ZC2HC1A: variants seen among roughly 807,000 people sequenced by gnomAD.
ZC2HC1A encodes the protein zinc finger C2HC domain-containing protein 1A.
In ZC2HC1A, 28 loss-of-function variants were observed where a neutral mutation model predicts 40.7. The ratio of observed to expected loss-of-function variants is 0.69; its 90% CI spans 0.51 to 0.94. The LOEUF (loss-of-function observed/expected upper bound fraction) is 0.94, where lower values mean the gene tolerates loss of function less well. Ranked by LOEUF, ZC2HC1A falls within the 40% of genes least tolerant of loss-of-function variation. The probability of loss-of-function intolerance (pLI) is 0.00; values close to 1 mark genes in which losing one functional copy is unlikely to be tolerated. For synonymous variants in ZC2HC1A, 129 were observed against 129.2 expected (o/e 1.00, Z 0.01); for missense variants, 389 against 386.3 (o/e 1.01, Z -0.06).
At chr8:78,678,764 G>A (rs1809667686) in intron 3 of ZC2HC1A, 85 bp downstream of exon 3, 1 of 836,504 alleles carries the variant, frequency 1.2e-6, no homozygotes, top group Non-Finnish European at 1.8e-6. Context: ...GTAAGGTTAA[G>A]AATAAACACA....
chr8:78,698,785 A>G (rs959814885), intron 7 of ZC2HC1A, among the ~76,000 whole-genome samples: 1 of 152,176 alleles, frequency 6.6e-6, no homozygotes, highest in African/African-American at 2.4e-5. Context: ...ATAATTTGAA[A>G]TGTTGACGAT....
chr8:78,678,758 G>A, intron 3 of ZC2HC1A, 79 bp downstream of exon 3: 1 of 927,242 alleles, frequency 1.1e-6, no homozygotes, highest in South Asian at 2.3e-5. Context: ...GTTACAGTAA[G>A]GTTAAGAATA....
intron 3 of ZC2HC1A, among the ~76,000 whole-genome samples, chr8:78,681,567 G>A (rs1233151546): frequency 1.3e-5 from 2 of 152,110 alleles, no homozygotes; most frequent in Non-Finnish European, 2.9e-5. Flanking sequence ...ACACTGTTTG[G>A]AAAGTTGTTT....
chr8:78,695,460 C>T (rs888777854), intron 5 of ZC2HC1A, among the ~76,000 whole-genome samples: 53 of 152,136 alleles, frequency 3.5e-4, no homozygotes, highest in African/African-American at 1.1e-3. Context: ...GCCACATCAG[C>T]GCACTTTGTT....
intron 1 of ZC2HC1A, 180 bp from the exon 2 acceptor site, chr8:78,675,607 A>T: frequency 1.9e-6 from 1 of 533,184 alleles, no homozygotes; most frequent in Non-Finnish European, 3.3e-6. Flanking sequence ...GACCTTTTTC[A>T]CCACTGATAA....
chr8:78,707,852 TTTC>T (rs1367529632), intron 7 of ZC2HC1A, among the ~76,000 whole-genome samples: 1 of 83,774 alleles, frequency 1.2e-5, no homozygotes, highest in African/African-American at 3.8e-5. Context: ...TTCCTTTTTT[TTTC>T]TTTTTTTTTT....
chr8:78,711,733 G>T (rs1378700039), intron 7 of ZC2HC1A, among the ~76,000 whole-genome samples: 1 of 151,504 alleles, frequency 6.6e-6, no homozygotes, highest in African/African-American at 2.4e-5. Context: ...TGATTCCATT[G>T]CCCTGCTGTG....
intron 2 of ZC2HC1A, among the ~76,000 whole-genome samples, chr8:78,677,348 A>G (rs148888316): frequency 6.8e-6 from 1 of 147,432 alleles, no homozygotes; most frequent in Non-Finnish European, 1.5e-5. Context: ...TGAATGGACA[A>G]CTCTTTAAAA....
Position 78,697,701 on chromosome 8 carries a change from C to T in ZC2HC1A, c.604+195C>T, listed in dbSNP as rs150249335. Among the ~76,000 whole-genome samples, 848 of 140,368 alleles carry T rather than the reference C, an allele frequency of 6.0e-3. 8 individuals are homozygous for T. Among genetic ancestry groups the T allele is most frequent in the African/African-American group, 0.021 (791 of 37,516 alleles). 92.1% of individuals were successfully genotyped at this position (140,368 alleles called of 152,430 possible). A position where few individuals can be genotyped will look rare whatever the true frequency, so the allele number is the denominator to read the frequency against. ...TTTAACCTTTTTTTTTTTTTTTTGA[C>T]GGAGTCTTGCTCTGTTGCCCAGGTT... is the stretch of plus-strand genomic sequence containing the variant. On this transcript the variant is annotated intron_variant, in intron 6 of 8. Coordinates refer to ENST00000263849, the MANE Select transcript of ZC2HC1A (RefSeq NM_016010.3).
At position 78,666,164 on chromosome 8, in the gene ZC2HC1A, G is replaced by C. The variant is rs762292847; in HGVS notation, c.16G>C (p.Glu6Gln). 2.5e-6 allele frequency: 4 copies of C among 1,574,844 alleles called. No homozygotes were observed. Among genetic ancestry groups the C allele is most frequent in the Non-Finnish European group, 3.4e-6 (4 of 1,160,434 alleles). The change falls in exon 1 of 9, where the codon GAG becomes CAG. Residue 6 changes from glutamate to glutamine, a missense_variant and splice_region_variant. Transcript: ENST00000263849. ...AGGTGGCGCGATGGAGGGACTGGAA[G>C]GTGAGGCGATGAAGGGATGAGGGCA... MEGLE[E>Q]NGGVVQVGEL...
intron 3 of ZC2HC1A, among the ~76,000 whole-genome samples, chr8:78,680,470 A>G (rs1203853569): frequency 1.3e-5 from 2 of 152,162 alleles, no homozygotes; most frequent in Non-Finnish European, 2.9e-5. Context: ...AATTATTTTA[A>G]GAACATCCTT....
In ZC2HC1A at chr8:78,686,623, G is replaced by T. The variant is rs780293903; in HGVS notation, c.352+15G>T. Reference sequence around the variant, plus strand: ...TTATGATCCTGGTATTTGGAATATTGTTGACAGAAATGTTCATGTGGAAAG... The same window carrying T: ...TTATGATCCTGGTATTTGGAATATTTTTGACAGAAATGTTCATGTGGAAAG... On this transcript the variant is annotated intron_variant, in intron 4 of 8. Coordinates refer to ENST00000263849, the MANE Select transcript of ZC2HC1A (RefSeq NM_016010.3). 4.1e-6 allele frequency: 6 copies of T among 1,461,800 alleles called. No homozygotes were observed. The African/African-American group carries it at 4.4e-5, about 11-fold the overall frequency. 90.6% of individuals were successfully genotyped at this position (1,461,800 alleles called of 1,614,324 possible). A position where few individuals can be genotyped will look rare whatever the true frequency, so the allele number is the denominator to read the frequency against.
Position 78,715,210 on chromosome 8 carries a change from C to CT in ZC2HC1A, c.705-5dup, listed in dbSNP as rs1563641476. 8.7e-6 allele frequency: 14 copies of CT among 1,609,632 alleles called. No individual in the cohort carries two copies. The highest frequency in any genetic ancestry group is 1.2e-5 in the Non-Finnish European group (14 of 1,178,400). ...TCAATACTTTTCCATTATTTTTCCT[C>CT]TTTTTTATAGAGCTAATGTCAAACC... On this transcript the variant is annotated splice_polypyrimidine_tract_variant and intron_variant, in intron 7 of 8. Coordinates refer to ENST00000263849, the MANE Select transcript of ZC2HC1A (RefSeq NM_016010.3).
At chr8:78,711,582 G>A (rs1478392609) in intron 7 of ZC2HC1A, among the ~76,000 whole-genome samples, 1 of 152,006 alleles carries the variant, frequency 6.6e-6, no homozygotes, top group African/African-American at 2.4e-5. Flanking sequence ...TAAAAAGCAC[G>A]GAAATAAATA....
intron 3 of ZC2HC1A, among the ~76,000 whole-genome samples, chr8:78,685,449 A>G (rs906176224): frequency 6.6e-6 from 1 of 152,238 alleles, no homozygotes; most frequent in African/African-American, 2.4e-5. Flanking sequence ...AGATCAGTAA[A>G]TTAAACTGTA....
intron 5 of ZC2HC1A, among the ~76,000 whole-genome samples, chr8:78,695,664 A>G (rs530410306): frequency 1.3e-5 from 2 of 152,198 alleles, no homozygotes; most frequent in East Asian, 1.9e-4. Context: ...CTCTATATAT[A>G]TATAGTGGCC....
chr8:78,705,669 A>G (rs374020987), intron 7 of ZC2HC1A, among the ~76,000 whole-genome samples: 72 of 152,242 alleles, frequency 4.7e-4, no homozygotes, highest in African/African-American at 1.5e-3. Context: ...AACCCCAGAG[A>G]CTGAAACTGC....
intron 3 of ZC2HC1A, among the ~76,000 whole-genome samples, chr8:78,680,881 A>G (rs545704814): frequency 1.3e-5 from 2 of 152,292 alleles, no homozygotes; most frequent in Admixed American, 6.5e-5. Flanking sequence ...CAAGACAGAA[A>G]CTGGGAGGAG....
Position 78,715,202 on chromosome 8 carries a change from T to C in ZC2HC1A, c.705-19T>C, listed in dbSNP as rs1475094523. ...CTCACTGTTCAATACTTTTCCATTA[T>C]TTTTCCTCTTTTTTATAGAGCTAAT... On this transcript the variant is annotated intron_variant, in intron 7 of 8. Coordinates refer to ENST00000263849, the MANE Select transcript of ZC2HC1A (RefSeq NM_016010.3). 5 of 1,605,244 alleles carry C rather than the reference T, an allele frequency of 3.1e-6. No homozygotes were observed. The highest frequency in any genetic ancestry group is 4.3e-6 in the Non-Finnish European group (5 of 1,174,972).
Sources: allele counts gnomAD v4.1 joint callset (sites outside exome capture counted in the v4.1 genomes callset), GRCh38; gene constraint gnomAD v4.1.1; transcripts MANE v1.5; gene names NCBI Gene and HGNC (gene_info 2026-07-23, HGNC 2026-07-21).